Variants in TMPRSS11A observed in about 807,000 individuals in gnomAD.
TMPRSS11A encodes the protein transmembrane serine protease 11A, also known as transmembrane protease serine 11A.
In TMPRSS11A, 53 loss-of-function variants were observed where a neutral mutation model predicts 58.9. The ratio of observed to expected loss-of-function variants is 0.90; its 90% confidence interval spans 0.72 to 1.13. The LOEUF (loss-of-function observed/expected upper bound fraction) is 1.13. Among genes scored for constraint, TMPRSS11A ranks in the 50% most tolerant of loss-of-function variants. TMPRSS11A has a pLI of 0.00. For synonymous variants in TMPRSS11A, 167 were observed against 169.8 expected (o/e 0.98, Z 0.13); for missense variants, 493 against 499.3 (o/e 0.99, Z 0.12).
intron 1 of TMPRSS11A, among the ~76,000 whole-genome samples, chr4:67,960,229 G>A (rs965188810): frequency 6.6e-6 from 1 of 152,102 alleles, no homozygotes; most frequent in East Asian, 1.9e-4. Flanking sequence ...CACTACCTGG[G>A]TGCAATATAT....
At chr4:67,934,941 A>T (rs990207318) in intron 3 of TMPRSS11A, among the ~76,000 whole-genome samples, 5 of 152,190 alleles carry the variant, frequency 3.3e-5, no homozygotes, top group African/African-American at 4.8e-5. Flanking sequence ...TGGAATATAA[A>T]TGAGATATAA....
intron 1 of TMPRSS11A, among the ~76,000 whole-genome samples, chr4:67,958,527 G>A (rs72851285): frequency 0.019 from 2,838 of 152,288 alleles, 96 homozygotes; most frequent in African/African-American, 0.064. Flanking sequence ...CTCTGATTTG[G>A]AATGGGTCTA....
At chr4:67,941,390 AATAAT>A (rs1720875909) in intron 3 of TMPRSS11A, among the ~76,000 whole-genome samples, 1 of 152,190 alleles carries the variant, frequency 6.6e-6, no homozygotes, top group Non-Finnish European at 1.5e-5. Context: ...ACAAAGGTAA[AATAAT>A]ATAAAGCCTT....
chr4:67,923,153 T>C (rs181732202), intron 6 of TMPRSS11A, among the ~76,000 whole-genome samples: 3 of 152,318 alleles, frequency 2.0e-5, no homozygotes, highest in Admixed American at 6.5e-5. Flanking sequence ...CATAGCACTA[T>C]GCACTTCCTC....
At chr4:67,939,825 A>G (rs544251183) in intron 3 of TMPRSS11A, among the ~76,000 whole-genome samples, 1 of 152,076 alleles carries the variant, frequency 6.6e-6, no homozygotes, top group African/African-American at 2.4e-5. Context: ...AGTAGCTGGG[A>G]TTACAGGCAC....
At chr4:67,953,076 G>A (rs1053810760) in intron 1 of TMPRSS11A, among the ~76,000 whole-genome samples, 6 of 152,006 alleles carry the variant, frequency 3.9e-5, no homozygotes, top group Admixed American at 6.6e-5. Context: ...TGGGTCCCTC[G>A]CATGTGCAGT....
At chr4:67,914,756 G>A (rs1280337889) in intron 8 of TMPRSS11A, 26 bp from the exon 9 acceptor site, 1 of 1,599,420 alleles carries the variant, frequency 6.3e-7, no homozygotes, top group Non-Finnish European at 8.5e-7. Context: ...AGTTATTCTA[G>A]TATTTACAAT....
chr4:67,943,971 G>A (rs1190394047), intron 3 of TMPRSS11A, among the ~76,000 whole-genome samples: 1 of 152,162 alleles, frequency 6.6e-6, no homozygotes, highest in Non-Finnish European at 1.5e-5. Context: ...TTATACAACT[G>A]AGTGTGCTTT....
rs555552334 is a variant in TMPRSS11A at position 67,926,668 on chromosome 4, G to A, written c.482-2502C>T. On this transcript the variant is annotated intron_variant, in intron 5 of 9. Coordinates refer to ENST00000508048, the MANE Select transcript of TMPRSS11A (RefSeq NM_001114387.2). ...TGACCATGGCCACTGCAGGGAGGGC[G>A]TGGGGAGAAGGTGGACAGTCCTTGG... Among the ~76,000 whole-genome samples, 23 of 152,324 alleles carry A rather than the reference G, an allele frequency of 1.5e-4. No individual in the cohort carries two copies. In the South Asian group the frequency reaches 1.7e-3, roughly 11 times the overall value.
chr4:67,955,010 T>C (rs985635090), intron 1 of TMPRSS11A, among the ~76,000 whole-genome samples: 2 of 152,220 alleles, frequency 1.3e-5, no homozygotes, highest in African/African-American at 2.4e-5. Flanking sequence ...AAATCAGCCA[T>C]GCTGAGAAAA....
chr4:67,958,761 G>T (rs1721351752), intron 1 of TMPRSS11A, among the ~76,000 whole-genome samples: 1 of 152,090 alleles, frequency 6.6e-6, no homozygotes, highest in Non-Finnish European at 1.5e-5. Context: ...AAATGATATG[G>T]TTTGGCTGTG....
At chr4:67,963,281 C>T (rs1447640903) in intron 1 of TMPRSS11A, 102 bp downstream of exon 1, 47 of 1,145,720 alleles carry the variant, frequency 4.1e-5, no homozygotes, top group Non-Finnish European at 7.7e-6. Flanking sequence ...CAGATTGAAT[C>T]CACCAAAGAC....
chr4:67,916,460 T>G (rs2109734382), intron 8 of TMPRSS11A, among the ~76,000 whole-genome samples: 1 of 104,720 alleles, frequency 9.5e-6, no homozygotes, highest in South Asian at 3.8e-4. Context: ...TACAATTGGT[T>G]TATATATATT....
chr4:67,939,987 C>T (rs1431781549), intron 3 of TMPRSS11A, among the ~76,000 whole-genome samples: 1 of 152,170 alleles, frequency 6.6e-6, no homozygotes, highest in African/African-American at 2.4e-5. Flanking sequence ...CCATGCCTGG[C>T]TAATTGTATG....
At chr4:67,959,665 A>G (rs1004778759) in intron 1 of TMPRSS11A, among the ~76,000 whole-genome samples, 2 of 152,198 alleles carry the variant, frequency 1.3e-5, no homozygotes, top group South Asian at 2.1e-4. Context: ...TAAAGAGTCA[A>G]AAAACAGCAG....
At chr4:67,933,684 A>C (rs1383977540) in intron 3 of TMPRSS11A, among the ~76,000 whole-genome samples, 2 of 152,172 alleles carry the variant, frequency 1.3e-5, no homozygotes, top group Non-Finnish European at 2.9e-5. Context: ...TGTTTTTGAA[A>C]GGGTGACTTT....
At chr4:67,963,231 G>A (rs1420965891) in intron 1 of TMPRSS11A, 152 bp downstream of exon 1, 1 of 630,974 alleles carries the variant, frequency 1.6e-6, no homozygotes, top group Non-Finnish European at 2.6e-6. Flanking sequence ...AATTAATCCA[G>A]GATGCTATGA....
At chr4:67,927,187 T>C (rs1449056522) in intron 5 of TMPRSS11A, among the ~76,000 whole-genome samples, 3 of 152,282 alleles carry the variant, frequency 2.0e-5, no homozygotes, top group Non-Finnish European at 2.9e-5. Flanking sequence ...CTGAAAGAGC[T>C]GTAACACAAA....
intron 2 of TMPRSS11A, among the ~76,000 whole-genome samples, 188 bp from the exon 3 acceptor site, chr4:67,944,825 T>C (rs1430903255): frequency 6.6e-6 from 1 of 152,312 alleles, no homozygotes; most frequent in East Asian, 1.9e-4. Flanking sequence ...TTCTACAATA[T>C]GGCAGGCACT....
Sources: allele counts gnomAD v4.1 joint callset (sites outside exome capture counted in the v4.1 genomes callset), GRCh38; gene constraint gnomAD v4.1.1; transcripts MANE v1.5; gene names NCBI Gene and HGNC (gene_info 2026-07-23, HGNC 2026-07-21).